The following PLXNA4 variants were observed in gnomAD, a reference collection of about 807,000 sequenced individuals.
PLXNA4 encodes plexin-A4.
In PLXNA4, 44 loss-of-function variants were observed where a neutral mutation model predicts 191.8. That is an observed-to-expected ratio of 0.23 (90% CI 0.18 to 0.29). PLXNA4 has a LOEUF of 0.29. PLXNA4 is among the 10% of genes least tolerant of loss of function. The pLI is 1.00. For synonymous variants in PLXNA4, 1,082 were observed against 1,009.5 expected, an observed-to-expected ratio of 1.07 and a Z score of -1.36; for missense variants, 1,800 against 2,488.8, an observed-to-expected ratio of 0.72 and a Z score of 5.89.
chr7:132,517,472 G>A (rs957546616), intron 1 of PLXNA4, among the ~76,000 whole-genome samples: 2 of 152,184 alleles, frequency 1.3e-5, no homozygotes, highest in African/African-American at 4.8e-5. Flanking sequence ...CCTTTACTGT[G>A]ATAATACTGA....
intron 2 of PLXNA4, among the ~76,000 whole-genome samples, chr7:132,497,583 A>G (rs1798076955): frequency 6.6e-6 from 1 of 152,200 alleles, no homozygotes; most frequent in Non-Finnish European, 1.5e-5. Flanking sequence ...AAAGAAATCA[A>G]AAAGACCTGA....
chr7:132,163,932 A>G (rs1240470161), intron 24 of PLXNA4, among the ~76,000 whole-genome samples: 3 of 152,226 alleles, frequency 2.0e-5, no homozygotes, highest in Admixed American at 1.3e-4. Context: ...TGTCTGAGCT[A>G]CTGGTCCCCA....
intron 3 of PLXNA4, among the ~76,000 whole-genome samples, chr7:132,357,243 G>T (rs751914785): frequency 6.6e-6 from 1 of 152,182 alleles, no homozygotes; most frequent in Non-Finnish European, 1.5e-5. Context: ...AGTAAACAGA[G>T]GGGAGGCTGG....
upstream of PLXNA4, among the ~76,000 whole-genome samples, chr7:132,580,982 G>A (rs1802392268): frequency 6.6e-6 from 1 of 152,224 alleles, no homozygotes; most frequent in South Asian, 2.1e-4. Context: ...TGACACAGGT[G>A]AGGCCAGGGT....
At chr7:132,459,722 G>C (rs1406993216) in intron 3 of PLXNA4, among the ~76,000 whole-genome samples, 2 of 152,176 alleles carry the variant, frequency 1.3e-5, no homozygotes, top group Non-Finnish European at 2.9e-5. Flanking sequence ...GATGCTGGGG[G>C]CAGCGAGCCT....
At chr7:132,607,679 G>A (rs141717131) in intron 2 of PLXNA4, among the ~76,000 whole-genome samples, 42 of 152,262 alleles carry the variant, frequency 2.8e-4, no homozygotes, top group Non-Finnish European at 5.4e-4. Context: ...CTTTCCTCAC[G>A]TTAATTAATT....
At chr7:132,544,516 G>A (rs530658535) in intron 1 of PLXNA4, among the ~76,000 whole-genome samples, 1 of 152,266 alleles carries the variant, frequency 6.6e-6, no homozygotes, top group East Asian at 1.9e-4. Context: ...AAAAGAAGGA[G>A]CACACAGAAA....
At chr7:132,645,665 G>A (rs916326507) in intron 2 of PLXNA4, among the ~76,000 whole-genome samples, 2 of 152,244 alleles carry the variant, frequency 1.3e-5, no homozygotes, top group Admixed American at 1.3e-4. Flanking sequence ...CAGATGTAGA[G>A]TTGTTGAATG....
At chr7:132,219,734 G>A (rs925535952) in intron 9 of PLXNA4, among the ~76,000 whole-genome samples, 1 of 152,094 alleles carries the variant, frequency 6.6e-6, no homozygotes, top group South Asian at 2.1e-4. Flanking sequence ...GGATGTTTCA[G>A]TCAATGACAA....
chr7:132,165,028 A>G, intron 23 of PLXNA4, 106 bp downstream of exon 23: 1 of 1,477,300 alleles, frequency 6.8e-7, no homozygotes, highest in Non-Finnish European at 9.1e-7. Context: ...TGGGGTTATA[A>G]GAGCCAGGCC....
chr7:132,562,610 TCTC>T (rs777745740), intron 1 of PLXNA4, among the ~76,000 whole-genome samples: 66 of 56,412 alleles, frequency 1.2e-3, no homozygotes, highest in Admixed American at 1.6e-3. Context: ...TCCTCCTCCT[TCTC>T]CTCCTCTTCC....
At chr7:132,411,912 C>T (rs958483114) in intron 3 of PLXNA4, among the ~76,000 whole-genome samples, 1 of 152,192 alleles carries the variant, frequency 6.6e-6, no homozygotes, top group African/African-American at 2.4e-5. Context: ...CCACCCCAGA[C>T]ATTTCTGAAA....
chr7:132,543,441 AT>A lies in PLXNA4; in HGVS notation c.-87+32980del, dbSNP rs575155790. Among the ~76,000 whole-genome samples, 43 of 152,250 alleles carry A rather than the reference AT, an allele frequency of 2.8e-4. 1 individual carries two copies. The highest frequency in any genetic ancestry group is 1.0e-3 in the South Asian group (5 of 4,816). On this transcript the variant is annotated intron_variant, in intron 1 of 31. Transcript: ENST00000321063. ...CTCTTGATTTCCAGCTTCTTCCAAA[AT>A]TTGGCCCTATCAATATTTACCACCT...
At chr7:132,437,736 C>T (rs1795531162) in intron 3 of PLXNA4, among the ~76,000 whole-genome samples, 1 of 152,080 alleles carries the variant, frequency 6.6e-6, no homozygotes, top group South Asian at 2.1e-4. Flanking sequence ...ATACACACCA[C>T]CTGAAGATAC....
At position 132,384,222 on chromosome 7, in the gene PLXNA4, GT is replaced by G. The variant is rs1436317791; in HGVS notation, c.1372-86001del. ...TCCTCCAGGAACTATACGAGGTTTA[GT>G]GTGGTGGTTCTTAGCAACAGAACAA... is the stretch of plus-strand genomic sequence containing the variant. On this transcript the variant is annotated intron_variant, in intron 3 of 31. Transcript: ENST00000321063. The G allele has an allele frequency of 2.0e-4, 202 of 985,438 alleles. 2 individuals carry two copies. The highest frequency in any genetic ancestry group is 2.4e-6 in the Non-Finnish European group (2 of 829,944). The allele number at this position is 985,438 out of a possible 1,614,324, so 61.0% of individuals were successfully genotyped here.
Position 132,508,851 on chromosome 7 carries a change from T to A in PLXNA4, c.-86-72A>T. On this transcript the variant is annotated intron_variant, in intron 1 of 31. Transcript: ENST00000321063. This position sits in a 1 kb window ranked among gnomAD's most constrained non-coding sequence, Gnocchi z 4.4. Reference sequence around the variant, plus strand: ...CATTTCACCCCACAGCTTGTCTGCCTGGACTTTCAAAATGTTCTGCACACA... The same window carrying A: ...CATTTCACCCCACAGCTTGTCTGCCAGGACTTTCAAAATGTTCTGCACACA... 1 of 1,366,730 alleles carries A rather than the reference T, an allele frequency of 7.3e-7. No homozygotes were observed. Among genetic ancestry groups the A allele is most frequent in the Non-Finnish European group, 9.6e-7 (1 of 1,039,346 alleles). 84.7% of individuals were successfully genotyped at this position (1,366,730 alleles called of 1,614,324 possible).
chr7:132,416,345 A>C (rs1215194417), intron 3 of PLXNA4, among the ~76,000 whole-genome samples: 2 of 152,248 alleles, frequency 1.3e-5, no homozygotes, highest in Non-Finnish European at 2.9e-5. Flanking sequence ...TGAGACTTCA[A>C]GAAATGCCAC....
chr7:132,211,156 G>C lies in PLXNA4; in HGVS notation c.2098-13C>G, dbSNP rs749970333. Reference sequence around the variant, plus strand: ...GCTGGGGGCAGTCCTGGGGACAGAGGGCATGGCTCAGGCTGGGCAGCCAGG... The same window carrying C: ...GCTGGGGGCAGTCCTGGGGACAGAGCGCATGGCTCAGGCTGGGCAGCCAGG... On this transcript the variant is annotated splice_polypyrimidine_tract_variant and intron_variant, in intron 9 of 31. Coordinates refer to ENST00000321063, the MANE Select transcript of PLXNA4 (RefSeq NM_020911.2). 6.4e-6 allele frequency: 10 copies of C among 1,551,888 alleles called. No homozygotes were observed. Among genetic ancestry groups the C allele is most frequent in the African/African-American group, 1.4e-5 (1 of 73,152 alleles).
At chr7:132,254,745 G>A (rs1394480115) in intron 4 of PLXNA4, among the ~76,000 whole-genome samples, 1 of 152,220 alleles carries the variant, frequency 6.6e-6, no homozygotes, top group Non-Finnish European at 1.5e-5. Context: ...CCATTAGGAA[G>A]TTCGTTTTCA....
Sources: gnomAD v4.1 joint callset for allele counts (sites outside exome capture counted in the v4.1 genomes callset) on GRCh38, gnomAD v4.1.1 for gene constraint, Gnocchi (gnomAD v3.1) non-coding constraint, MANE v1.5 for transcripts, NCBI Gene and HGNC (gene_info 2026-07-23, HGNC 2026-07-21) for gene names.